CDK9: variants seen among roughly 807,000 people sequenced by gnomAD.
CDK9 encodes cyclin-dependent kinase 9.
A neutral mutation model predicts 39.0 loss-of-function variants in CDK9; 34 were observed. That is an observed-to-expected ratio of 0.87 (90% CI 0.66 to 1.16). CDK9 has a LOEUF of 1.16. Among genes scored for constraint, CDK9 ranks in the 50% most tolerant of loss-of-function variants. CDK9 has a pLI of 0.00. For missense variants in CDK9, 369 were observed against 503.2 expected (o/e 0.73, Z 2.55); for synonymous variants, 233 against 196.2 (o/e 1.19, Z -1.57).
At position 127,788,700 on chromosome 9, in the gene CDK9, GC is replaced by G; in HGVS notation, c.753+12del. 1.3e-6 allele frequency: 2 copies of G among 1,585,526 alleles called. No homozygotes were observed. The highest frequency in any genetic ancestry group is 1.7e-6 in the Non-Finnish European group (2 of 1,165,628). On this transcript the variant is annotated intron_variant, in intron 6 of 6. Coordinates refer to ENST00000373264, the MANE Select transcript of CDK9 (RefSeq NM_001261.4). The stretch of plus-strand genomic sequence containing the variant: ...GGCTCCATCACCCCTGAGGTACGGG[GC>G]CCCGGTCCCCACGGGGTGCAGAGAT...
At position 127,788,017 on chromosome 9, in the gene CDK9, G is replaced by A. The variant is rs772584700; in HGVS notation, c.336G>A (p.Gly112=). The A allele has an allele frequency of 1.9e-6, 3 of 1,614,098 alleles. No individual in the cohort carries two copies. Among genetic ancestry groups the A allele is most frequent in the African/African-American group, 1.3e-5 (1 of 74,932 alleles). The change falls in exon 4 of 7, where the codon GGG becomes GGA. Residue 112 remains glycine, a synonymous_variant. Coordinates refer to ENST00000373264, the MANE Select transcript of CDK9 (RefSeq NM_001261.4). ...ACTTCTGCGAGCATGACCTTGCTGG[G>A]CTGTTGAGCAATGTTTTGGTCAAGT... ...VFDFCEHDLA[G]LLSNVLVKFT... is the part of the protein sequence containing the mutation.
chr9:127,787,741 CTT>C (rs745311710), intron 3 of CDK9, 133 bp downstream of exon 3: 1 of 853,838 alleles, frequency 1.2e-6, no homozygotes, highest in Non-Finnish European at 1.9e-6. Context: ...TTCTGGTCCT[CTT>C]TCATCGTAGC....
At chr9:127,786,510 G>C (rs1202508679) in intron 1 of CDK9, among the ~76,000 whole-genome samples, 191 bp from the exon 2 acceptor site, 1 of 152,202 alleles carries the variant, frequency 6.6e-6, no homozygotes, top group Admixed American at 6.5e-5. Context: ...TGAGGAGAAG[G>C]GACTGAGGGA....
chr9:127,788,429 C>T (rs530304130), intron 5 of CDK9, 44 bp downstream of exon 5: 1 of 1,574,246 alleles, frequency 6.4e-7, no homozygotes, highest in African/African-American at 1.3e-5. Flanking sequence ...GGCCAGGCAT[C>T]TACCTGGCCC....
At chr9:127,786,866 C>A in intron 2 of CDK9, 84 bp downstream of exon 2, 2 of 1,084,150 alleles carry the variant, frequency 1.8e-6, no homozygotes. Context: ...TTCTGGGAGT[C>A]TCAGGTTGAG....
At chr9:127,787,917 G>C (rs1374362731) in intron 3 of CDK9, 30 bp from the exon 4 acceptor site, 1 of 1,611,322 alleles carries the variant, frequency 6.2e-7, no homozygotes, top group Admixed American at 1.7e-5. Flanking sequence ...TGGTTTTCTT[G>C]ACTTTTTCTT....
chr9:127,789,661 C>G lies in CDK9; in HGVS notation c.*118C>G, dbSNP rs530938305. 17 of 1,333,766 alleles carry G rather than the reference C, an allele frequency of 1.3e-5. No individual in the cohort carries two copies. In the East Asian group the frequency reaches 4.2e-4, roughly 33 times the overall value. The allele number at this position is 1,333,766 out of a possible 1,614,324, so 82.6% of individuals were successfully genotyped here. ...ATGCATATTTTATTTAATCCCCACCCTGGGCTCTGGGAGCAGCCCGCTGAG... is the reference window on the plus strand; with the variant it reads ...ATGCATATTTTATTTAATCCCCACCGTGGGCTCTGGGAGCAGCCCGCTGAG... On this transcript the variant is annotated 3_prime_UTR_variant, in exon 7 of 7. Transcript: ENST00000373264. The surrounding 1 kb of genome is among the most constrained non-coding windows in gnomAD (Gnocchi z 5.2).
Position 127,786,179 on chromosome 9 carries a change from C to T in CDK9, c.31C>T (p.Pro11Ser). The change falls in exon 1 of 7, where the codon CCT (proline) becomes TCT (serine). Residue 11 changes from proline to serine, a missense_variant. Physicochemically the swap from Pro to Ser is moderately conservative, Grantham distance 74. Transcript: ENST00000373264. ...AAAGCAGTACGACTCGGTGGAGTGC[C>T]CTTTTTGTGATGAAGTTTCCAAATA... MAKQYDSVEC[P>S]FCDEVSKYEK... 6.2e-7 allele frequency: 1 copy of T among 1,609,892 alleles called. No homozygotes were observed.
intron 3 of CDK9, 91 bp downstream of exon 3, chr9:127,787,699 C>T (rs1372566566): frequency 3.9e-6 from 4 of 1,023,232 alleles, no homozygotes; most frequent in Admixed American, 3.5e-5. Flanking sequence ...ACTGCCTCTT[C>T]TTAACTCAGA....
At chr9:127,788,520 C>T in intron 5 of CDK9, 24 bp from the exon 6 acceptor site, 6 of 1,546,774 alleles carry the variant, frequency 3.9e-6, no homozygotes, top group South Asian at 1.2e-5. Context: ...TCAAGGGGCC[C>T]TCCTGGTGCG....
intron 1 of CDK9, 110 bp from the exon 2 acceptor site, chr9:127,786,591 C>A: frequency 1.0e-6 from 1 of 1,004,904 alleles, no homozygotes; most frequent in Non-Finnish European, 1.5e-6. Flanking sequence ...GTACCTAGCC[C>A]AGCCCCGCCC....
At chr9:127,787,441 T>G in intron 2 of CDK9, 77 bp from the exon 3 acceptor site, 1 of 892,186 alleles carries the variant, frequency 1.1e-6, no homozygotes, top group Non-Finnish European at 1.8e-6. Flanking sequence ...TCTCCCAACT[T>G]GGCTGTCAGT....
intron 1 of CDK9, among the ~76,000 whole-genome samples, 167 bp downstream of exon 1, chr9:127,786,407 G>A (rs1420115880): frequency 1.3e-5 from 2 of 152,206 alleles, no homozygotes; most frequent in African/African-American, 4.8e-5. Context: ...GAGCCGGCTG[G>A]TGGGGAGGAG....
chr9:127,786,355 T>C lies in CDK9; in HGVS notation c.92+115T>C, dbSNP rs955566077. ...GAAGTCGTCTGTCCCCGGGCTTGCC[T>C]GCTGGTCTCTAGGCCGCGCCGCACC... is the stretch of plus-strand genomic sequence containing the variant. On this transcript the variant is annotated intron_variant, in intron 1 of 6. Coordinates refer to ENST00000373264, the MANE Select transcript of CDK9 (RefSeq NM_001261.4). 1.1e-5 allele frequency: 10 copies of C among 894,402 alleles called. No homozygotes were observed. In the African/African-American group the frequency reaches 1.6e-4, roughly 14 times the overall value. The allele number at this position is 894,402 out of a possible 1,614,324, so 55.4% of individuals were successfully genotyped here.
chr9:127,786,641 GA>G (rs993835778), intron 1 of CDK9, 59 bp from the exon 2 acceptor site: 6 of 1,439,214 alleles, frequency 4.2e-6, no homozygotes, highest in Admixed American at 3.8e-5. Flanking sequence ...TGTAGTGGGG[GA>G]GGGGCGGGCC....
At chr9:127,786,593 G>A (rs1240926783) in intron 1 of CDK9, 108 bp from the exon 2 acceptor site, 8 of 1,026,588 alleles carry the variant, frequency 7.8e-6, no homozygotes, top group South Asian at 3.0e-5. Context: ...ACCTAGCCCA[G>A]CCCCGCCCGG....
rs1326451751 is a variant in CDK9, at chr9:127,789,474, C to T, written c.1050C>T (p.Thr350=). Residue 350 remains threonine (T), a synonymous_variant, in exon 7 of 7, where the codon ACC becomes ACT. Coordinates refer to ENST00000373264, the MANE Select transcript of CDK9 (RefSeq NM_001261.4). This position sits in a 1 kb window ranked among gnomAD's most constrained non-coding sequence, Gnocchi z 5.2. ...APPRRKGSQI[T]QQSTNQSRNP... Reference sequence around the variant, plus strand: ...CGCGCCGGAAGGGCAGCCAGATCACCCAGCAGTCCACCAACCAGAGTCGCA... The same window carrying T: ...CGCGCCGGAAGGGCAGCCAGATCACTCAGCAGTCCACCAACCAGAGTCGCA... The T allele has an allele frequency of 2.5e-6, 4 of 1,614,036 alleles. No homozygotes were observed. The highest frequency in any genetic ancestry group is 3.4e-6 in the Non-Finnish European group (4 of 1,180,042).
At chr9:127,786,281 AC>A in intron 1 of CDK9, 41 bp downstream of exon 1, 2 of 1,525,026 alleles carry the variant, frequency 1.3e-6, no homozygotes, top group East Asian at 2.3e-5. Context: ...CTGGGCCTGC[AC>A]CCCTAGGGCC....
Position 127,787,554 on chromosome 9 carries a change from C to G in CDK9, c.211C>G (p.Gln71Glu). The change falls in exon 3 of 7, where the codon CAG (glutamine) becomes GAG (glutamate). Residue 71 changes from glutamine (Q) to glutamate (E), a missense_variant. Gln to Glu is a conservative substitution (Grantham distance 29, BLOSUM62 2). Transcript: ENST00000373264. ...AGCCTTGCGGGAGATCAAGATCCTT[C>G]AGCTTCTAAAACACGAGAATGTGGT... The part of the protein sequence containing the change: ...ITALREIKIL[Q>E]LLKHENVVNL... 6.2e-7 allele frequency: 1 copy of G among 1,613,794 alleles called. No homozygotes were observed. Among genetic ancestry groups the G allele is most frequent in the Non-Finnish European group, 8.5e-7 (1 of 1,179,736 alleles).
Sources: gnomAD v4.1 joint callset for allele counts (sites outside exome capture counted in the v4.1 genomes callset) on GRCh38, gnomAD v4.1.1 for gene constraint, Gnocchi (gnomAD v3.1) non-coding constraint, MANE v1.5 for transcripts, NCBI Gene and HGNC (gene_info 2026-07-23, HGNC 2026-07-21) for gene names.